WIPF3: variants seen among roughly 807,000 people sequenced by gnomAD.
The protein encoded by WIPF3 is WAS/WASL-interacting protein family member 3.
In WIPF3, 33 loss-of-function variants were observed where a neutral mutation model predicts 38.9. That is an observed-to-expected ratio of 0.85 (90% CI 0.64 to 1.14). The LOEUF is 1.14. Among genes scored for constraint, WIPF3 ranks in the 50% most tolerant of loss-of-function variants. The pLI, the probability that WIPF3 is intolerant of heterozygous loss-of-function variation, is 0.00. For missense variants in WIPF3, 711 were observed against 652.5 expected, an observed-to-expected ratio of 1.09 and a Z score of -0.98; for synonymous variants, 324 against 269.3, an observed-to-expected ratio of 1.20 and a Z score of -1.99.
chr7:29,874,016 T>C (rs1785542471), intron 2 of WIPF3, among the ~76,000 whole-genome samples: 1 of 152,200 alleles, frequency 6.6e-6, no homozygotes, highest in African/African-American at 2.4e-5. Flanking sequence ...GTCTCATGTC[T>C]TCCTTGAAGC....
At chr7:29,888,247 G>C in intron 6 of WIPF3, 30 bp downstream of exon 6, 1 of 1,580,904 alleles carries the variant, frequency 6.3e-7, no homozygotes. Flanking sequence ...TGCCGGTTTG[G>C]CTGCCAGTAG....
chr7:29,881,016 G>A (rs1025094066), intron 4 of WIPF3, among the ~76,000 whole-genome samples: 3 of 152,110 alleles, frequency 2.0e-5, no homozygotes, highest in Admixed American at 1.3e-4. Context: ...GCATGTTGCT[G>A]CCACTGGGCG....
In WIPF3 at chr7:29,915,203, A is replaced by G. The variant is rs1165121852; in HGVS notation, c.*687A>G. The G allele has an allele frequency of 1.4e-5, 2 of 145,320 alleles. No individual in the cohort carries two copies. Among genetic ancestry groups the G allele is most frequent in the African/African-American group, 5.0e-5 (2 of 39,968 alleles). 9.0% of individuals were successfully genotyped at this position (145,320 alleles called of 1,614,324 possible). ...CCTTTTGTAACTGAATAATCCTCCA[A>G]GTAGCCAGTGCTCCTACTGTTTACA... On this transcript the variant is annotated 3_prime_UTR_variant, in exon 9 of 9. Coordinates refer to ENST00000242140, the MANE Select transcript of WIPF3 (RefSeq NM_001080529.3).
intron 2 of WIPF3, among the ~76,000 whole-genome samples, chr7:29,872,909 G>C (rs147216683): frequency 4.4e-4 from 66 of 151,392 alleles, no homozygotes; most frequent in African/African-American, 1.6e-3. Context: ...TGAGAAGTCA[G>C]AGAGGGAATG....
chr7:29,916,600 C>T lies in WIPF3; in HGVS notation c.*2084C>T, dbSNP rs1405431180. Reference sequence around the variant, plus strand: ...TGGTGGCTCACACCTGTAATCCCAGCAACTTGGGAGGTTCAGGCACAAGAA... The same window carrying T: ...TGGTGGCTCACACCTGTAATCCCAGTAACTTGGGAGGTTCAGGCACAAGAA... On this transcript the variant is annotated 3_prime_UTR_variant, in exon 9 of 9. Transcript: ENST00000242140. The T allele has an allele frequency of 6.6e-6, 1 of 152,024 alleles. No homozygotes were observed. The highest frequency in any genetic ancestry group is 1.5e-5 in the Non-Finnish European group (1 of 68,074). The allele number at this position is 152,024 out of a possible 1,614,324, so 9.4% of individuals were successfully genotyped here.
chr7:29,850,740 G>A (rs1785080885), intron 2 of WIPF3, among the ~76,000 whole-genome samples: 1 of 152,184 alleles, frequency 6.6e-6, no homozygotes, highest in African/African-American at 2.4e-5. Context: ...CATGATTCCA[G>A]GGGGCCAGAG....
intron 8 of WIPF3, among the ~76,000 whole-genome samples, chr7:29,910,612 A>G (rs867651654): frequency 1.3e-5 from 2 of 152,198 alleles, no homozygotes; most frequent in African/African-American, 4.8e-5. Flanking sequence ...ATTATTCAAT[A>G]TATAAAAATC....
In WIPF3 at chr7:29,883,886, C is replaced by A. The variant is rs970122292; in HGVS notation, c.392C>A (p.Pro131His). The A allele has an allele frequency of 6.4e-7, 1 of 1,574,532 alleles. No homozygotes were observed. The highest frequency in any genetic ancestry group is 8.6e-7 in the Non-Finnish European group (1 of 1,157,294). Reference protein sequence around the residue: ...KTGQGPGSRAPSPRLPNKTIS... With the variant: ...KTGQGPGSRAHSPRLPNKTIS... ...GGGCAGGGCCCTGGCTCCCGCGCGC[C>A]CTCTCCCAGGCTTCCCAACAAAACC... is the stretch of plus-strand genomic sequence containing the variant. Residue 131 changes from proline (P) to histidine (H), a missense_variant, in exon 5 of 9, where the codon CCC (proline) becomes CAC (histidine). By Grantham distance (77) the Pro-to-His change is moderately conservative. Transcript: ENST00000242140.
chr7:29,888,347 C>T, intron 6 of WIPF3, 130 bp downstream of exon 6: 2 of 1,196,432 alleles, frequency 1.7e-6, no homozygotes, highest in Non-Finnish European at 2.3e-6. Flanking sequence ...AACAGGGGCT[C>T]ACTCCAGCAC....
intron 1 of WIPF3, among the ~76,000 whole-genome samples, chr7:29,815,402 A>T (rs979165809): frequency 1.3e-5 from 2 of 152,224 alleles, no homozygotes; most frequent in Admixed American, 1.3e-4. Context: ...GCGGACATAG[A>T]AGGAAGGCTA....
chr7:29,839,847 C>A (rs73686240), intron 2 of WIPF3, among the ~76,000 whole-genome samples: 9 of 152,192 alleles, frequency 5.9e-5, no homozygotes, highest in Non-Finnish European at 1.3e-4. Flanking sequence ...GCTACAGCAG[C>A]AGAACACCAA....
chr7:29,830,280 G>A (rs116990551), intron 1 of WIPF3, among the ~76,000 whole-genome samples: 1,682 of 151,796 alleles, frequency 0.011, 21 homozygotes, highest in Middle Eastern at 0.031. Context: ...TGAGGGAGGG[G>A]CAAGCAGAAG....
At chr7:29,908,908 CAAAA>C (rs59015755) in intron 8 of WIPF3, among the ~76,000 whole-genome samples, 3 of 82,836 alleles carry the variant, frequency 3.6e-5, no homozygotes, top group Admixed American at 1.4e-4. Context: ...AACTCCATCT[CAAAA>C]AAAAAAAAAA....
chr7:29,821,758 A>G (rs950952986), intron 1 of WIPF3, among the ~76,000 whole-genome samples: 1 of 152,174 alleles, frequency 6.6e-6, no homozygotes, highest in African/African-American at 2.4e-5. Flanking sequence ...GTTTCTCTCT[A>G]ATCCTTTCAA....
intron 8 of WIPF3, among the ~76,000 whole-genome samples, chr7:29,910,384 C>T (rs1231765006): frequency 6.6e-6 from 1 of 152,074 alleles, no homozygotes; most frequent in Non-Finnish European, 1.5e-5. Context: ...TAAAAGCTTT[C>T]CAAAAAATTG....
chr7:29,825,644 A>G (rs1407619540), intron 1 of WIPF3, among the ~76,000 whole-genome samples: 1 of 152,224 alleles, frequency 6.6e-6, no homozygotes, highest in African/African-American at 2.4e-5. Flanking sequence ...AATATTATTA[A>G]TATCTTCATT....
intron 8 of WIPF3, among the ~76,000 whole-genome samples, chr7:29,909,947 C>A (rs1041163092): frequency 6.6e-6 from 1 of 151,000 alleles, no homozygotes; most frequent in Non-Finnish European, 1.5e-5. Flanking sequence ...TACAAACTAG[C>A]GGGGGAGTGG....
At chr7:29,829,175 TCTAC>T (rs1784675917) in intron 1 of WIPF3, among the ~76,000 whole-genome samples, 2 of 151,136 alleles carry the variant, frequency 1.3e-5, no homozygotes, top group African/African-American at 4.9e-5. Flanking sequence ...CTTAGCACTC[TCTAC>T]CTCTCCTGGG....
chr7:29,847,261 G>A (rs550564005), intron 2 of WIPF3, among the ~76,000 whole-genome samples: 7 of 152,302 alleles, frequency 4.6e-5, no homozygotes, highest in African/African-American at 1.7e-4. Context: ...TCAATACAGG[G>A]CAGGAGGTCA....
Sources: allele counts gnomAD v4.1 joint callset (sites outside exome capture counted in the v4.1 genomes callset), GRCh38; gene constraint gnomAD v4.1.1; transcripts MANE v1.5; gene names NCBI Gene and HGNC (gene_info 2026-07-23, HGNC 2026-07-21).